OXCT1: variants seen among roughly 807,000 people sequenced by gnomAD.
OXCT1 encodes the protein succinyl-CoA:3-ketoacid coenzyme A transferase 1, mitochondrial.
Under a neutral mutation model 69.6 loss-of-function variants are expected in OXCT1, and 27 were observed. The ratio of observed to expected loss-of-function variants is 0.39; its 90% CI spans 0.29 to 0.54. OXCT1 has a LOEUF of 0.54. Among genes scored for constraint, OXCT1 ranks in the 20% least tolerant of loss-of-function variants. OXCT1 has a pLI of 0.72. For missense variants in OXCT1, 437 were observed against 650.2 expected (o/e 0.67, Z 3.57); for synonymous variants, 202 against 217.8 (o/e 0.93, Z 0.64).
chr5:41,735,007 C>T (rs1048988492), intron 16 of OXCT1, among the ~76,000 whole-genome samples: 26 of 152,020 alleles, frequency 1.7e-4, no homozygotes, highest in African/African-American at 4.6e-4. Context: ...GAATGTAAAA[C>T]GGGGCAAACA....
At chr5:41,736,861 GTA>G (rs1742908289) in intron 16 of OXCT1, among the ~76,000 whole-genome samples, 1 of 152,210 alleles carries the variant, frequency 6.6e-6, no homozygotes, top group Admixed American at 6.5e-5. Context: ...AGCAACTAGT[GTA>G]TAGTCACATA....
intron 1 of OXCT1, among the ~76,000 whole-genome samples, chr5:41,868,718 G>A (rs1268959003): frequency 6.7e-6 from 1 of 149,974 alleles, no homozygotes; most frequent in African/African-American, 2.5e-5. Flanking sequence ...GCGAGACTCC[G>A]TCTCAAAAAA....
intron 13 of OXCT1, among the ~76,000 whole-genome samples, chr5:41,767,246 TA>T (rs1445366082): frequency 6.6e-6 from 1 of 152,146 alleles, no homozygotes; most frequent in African/African-American, 2.4e-5. Flanking sequence ...CACTTTCTTT[TA>T]AAAAACCAAA....
At chr5:41,754,537 C>T (rs1024421537) in intron 14 of OXCT1, among the ~76,000 whole-genome samples, 1 of 151,878 alleles carries the variant, frequency 6.6e-6, no homozygotes, top group Non-Finnish European at 1.5e-5. Context: ...ATATATTCAC[C>T]TATTATGTGC....
At chr5:41,770,914 A>C (rs1010305598) in intron 13 of OXCT1, among the ~76,000 whole-genome samples, 1 of 152,198 alleles carries the variant, frequency 6.6e-6, no homozygotes, top group Non-Finnish European at 1.5e-5. Context: ...TATCTATACT[A>C]GTTCATACCA....
intron 13 of OXCT1, among the ~76,000 whole-genome samples, chr5:41,764,554 C>T (rs770854862): frequency 1.2e-4 from 18 of 152,138 alleles, no homozygotes; most frequent in Non-Finnish European, 2.4e-4. Flanking sequence ...CTTCCTTCCT[C>T]TAAAAGGAAC....
chr5:41,848,903 G>A (rs1749050642), intron 5 of OXCT1, among the ~76,000 whole-genome samples: 1 of 152,154 alleles, frequency 6.6e-6, no homozygotes, highest in Non-Finnish European at 1.5e-5. Flanking sequence ...AACACCAAAA[G>A]CAATGGCAAC....
At chr5:41,768,981 G>A (rs1165266152) in intron 13 of OXCT1, among the ~76,000 whole-genome samples, 1 of 151,998 alleles carries the variant, frequency 6.6e-6, no homozygotes, top group East Asian at 1.9e-4. Flanking sequence ...ATAGCATATG[G>A]CTCCCACATG....
Position 41,801,089 on chromosome 5 carries a change from A to G in OXCT1, c.1051-19T>C, listed in dbSNP as rs1466929612. On this transcript the variant is annotated intron_variant, in intron 10 of 16. Coordinates refer to ENST00000196371, the MANE Select transcript of OXCT1 (RefSeq NM_000436.4). ...ATGGACCCTGTCAAATACAACATAC[A>G]TTCAATTAGTAAATGAAGATTCTCA... 1.3e-6 allele frequency: 2 copies of G among 1,578,044 alleles called. No individual in the cohort carries two copies. Among genetic ancestry groups the G allele is most frequent in the South Asian group, 1.1e-5 (1 of 90,362 alleles).
intron 14 of OXCT1, among the ~76,000 whole-genome samples, chr5:41,758,975 G>A (rs986483154): frequency 5.3e-5 from 8 of 151,750 alleles, no homozygotes; most frequent in African/African-American, 9.7e-5. Context: ...AATGCAAAAA[G>A]GAAGAAATGG....
chr5:41,844,765 C>G (rs1474505233), intron 5 of OXCT1, among the ~76,000 whole-genome samples: 2 of 151,886 alleles, frequency 1.3e-5, no homozygotes, highest in African/African-American at 2.4e-5. Flanking sequence ...TCCTCTTACA[C>G]CCCTTACCTA....
Position 41,730,925 on chromosome 5 carries a change from A to G in OXCT1, c.*804T>C, listed in dbSNP as rs1273168025. The G allele has an allele frequency of 6.6e-6, 1 of 152,212 alleles. No homozygotes were observed. Among genetic ancestry groups the G allele is most frequent in the Non-Finnish European group, 1.5e-5 (1 of 68,042 alleles). 9.4% of individuals were successfully genotyped at this position (152,212 alleles called of 1,614,324 possible). A position where few individuals can be genotyped will look rare whatever the true frequency, so the allele number is the denominator to read the frequency against. On this transcript the variant is annotated 3_prime_UTR_variant, in exon 17 of 17. Coordinates refer to ENST00000196371, the MANE Select transcript of OXCT1 (RefSeq NM_000436.4). ...CTGCTGTCATTGCTACTAAGGATTC[A>G]TGGTAAATTATCCCACAGCCCTTCT... is the stretch of plus-strand genomic sequence containing the variant.
chr5:41,740,912 C>T (rs976813813), intron 15 of OXCT1, among the ~76,000 whole-genome samples: 2 of 151,832 alleles, frequency 1.3e-5, no homozygotes, highest in African/African-American at 2.4e-5. Flanking sequence ...CTCTCCTCTA[C>T]AGTTAACCTA....
intron 13 of OXCT1, among the ~76,000 whole-genome samples, chr5:41,768,517 C>A (rs920408741): frequency 6.6e-6 from 1 of 152,178 alleles, no homozygotes; most frequent in African/African-American, 2.4e-5. Flanking sequence ...ATCTCACCCA[C>A]CTGCAAATTT....
chr5:41,750,672 A>G (rs143926413), intron 14 of OXCT1, among the ~76,000 whole-genome samples: 17 of 152,254 alleles, frequency 1.1e-4, no homozygotes, highest in African/African-American at 3.4e-4. Flanking sequence ...TCTAGTTTAT[A>G]TCTCTCCCAA....
chr5:41,810,485 T>C (rs759777416), intron 7 of OXCT1, among the ~76,000 whole-genome samples: 17 of 152,124 alleles, frequency 1.1e-4, no homozygotes, highest in African/African-American at 3.9e-4. Flanking sequence ...CTATGAATAG[T>C]TCTCATGCCC....
chr5:41,761,996 A>C (rs1744372163), intron 14 of OXCT1, 115 bp downstream of exon 14: 1 of 771,136 alleles, frequency 1.3e-6, no homozygotes, highest in African/African-American at 1.7e-5. Context: ...AAATGCTATC[A>C]CCTTGAATGA....
intron 15 of OXCT1, among the ~76,000 whole-genome samples, chr5:41,744,629 G>A (rs1036648469): frequency 3.9e-5 from 6 of 152,068 alleles, no homozygotes; most frequent in Non-Finnish European, 7.3e-5. Flanking sequence ...ATTATTTTGA[G>A]ATACGTCCCA....
intron 5 of OXCT1, among the ~76,000 whole-genome samples, chr5:41,844,942 C>CA (rs552992378): frequency 0.019 from 1,486 of 78,118 alleles, 23 homozygotes; most frequent in African/African-American, 0.046. Flanking sequence ...GGCTTCCTAG[C>CA]AAAAAAAAAA....
Sources: allele counts gnomAD v4.1 joint callset (sites outside exome capture counted in the v4.1 genomes callset), GRCh38; gene constraint gnomAD v4.1.1; transcripts MANE v1.5; gene names NCBI Gene and HGNC (gene_info 2026-07-23, HGNC 2026-07-21).